Variants in GALNT17 observed in about 807,000 individuals in gnomAD.
The protein encoded by GALNT17 is polypeptide N-acetylgalactosaminyltransferase 17.
Under a neutral mutation model 63.7 loss-of-function variants are expected in GALNT17, and 29 were observed. The ratio of observed to expected loss-of-function variants is 0.46; its 90% confidence interval spans 0.34 to 0.62. GALNT17 has a LOEUF of 0.62. Among genes scored for constraint, GALNT17 ranks in the 20% least tolerant of loss-of-function variants. The pLI, the probability that GALNT17 is intolerant of heterozygous loss-of-function variation, is 0.01. For synonymous variants in GALNT17, 305 were observed against 318.3 expected (o/e 0.96, Z 0.45); for missense variants, 603 against 799.6 (o/e 0.75, Z 2.97).
At chr7:71,567,595 G>T (rs1374184075) in intron 5 of GALNT17, among the ~76,000 whole-genome samples, 1 of 152,198 alleles carries the variant, frequency 6.6e-6, no homozygotes, top group Admixed American at 6.5e-5. Context: ...CTCCTCAATA[G>T]CTGGGGTTAC....
chr7:71,601,244 T>A (rs780142013), intron 6 of GALNT17, among the ~76,000 whole-genome samples: 1 of 152,288 alleles, frequency 6.6e-6, no homozygotes, highest in Admixed American at 6.5e-5. Context: ...GCCGTAAACA[T>A]GCATGTGCAG....
chr7:71,553,130 C>T (rs938030039), intron 5 of GALNT17, among the ~76,000 whole-genome samples: 4 of 151,980 alleles, frequency 2.6e-5, no homozygotes, highest in Non-Finnish European at 5.9e-5. Flanking sequence ...TCTGAGACCA[C>T]CCTGGGCAAC....
intron 5 of GALNT17, among the ~76,000 whole-genome samples, chr7:71,552,969 C>T (rs535571416): frequency 2.0e-5 from 3 of 152,178 alleles, no homozygotes; most frequent in East Asian, 1.9e-4. Flanking sequence ...TTTCTAGTCT[C>T]GGCCAGAGTT....
intron 1 of GALNT17, among the ~76,000 whole-genome samples, chr7:71,295,204 T>G (rs776740081): frequency 2.0e-5 from 3 of 152,228 alleles, no homozygotes; most frequent in Non-Finnish European, 4.4e-5. Flanking sequence ...CTCCTCAATA[T>G]TTTTGTCTAG....
chr7:71,202,058 T>C (rs927862394), intron 1 of GALNT17, among the ~76,000 whole-genome samples: 1 of 152,214 alleles, frequency 6.6e-6, no homozygotes, highest in Admixed American at 6.5e-5. Context: ...TTCAAACATA[T>C]TATAATGTTC....
chr7:71,704,830 T>G (rs1157163122), intron 9 of GALNT17, among the ~76,000 whole-genome samples: 1 of 151,930 alleles, frequency 6.6e-6, no homozygotes, highest in Admixed American at 6.6e-5. Context: ...AGAGTGAATT[T>G]GGACCTCAAC....
At chr7:71,670,511 G>C (rs757013986) in intron 8 of GALNT17, among the ~76,000 whole-genome samples, 1 of 152,032 alleles carries the variant, frequency 6.6e-6, no homozygotes, top group African/African-American at 2.4e-5. Flanking sequence ...AGGAGGAAAC[G>C]TTCTCAGATT....
intron 6 of GALNT17, among the ~76,000 whole-genome samples, chr7:71,638,003 T>C (rs1428346233): frequency 6.6e-6 from 1 of 152,194 alleles, no homozygotes; most frequent in Non-Finnish European, 1.5e-5. Flanking sequence ...CTTGATGATA[T>C]GCTAAACAAG....
At chr7:71,428,804 T>C (rs985739454) in intron 5 of GALNT17, among the ~76,000 whole-genome samples, 3 of 152,200 alleles carry the variant, frequency 2.0e-5, no homozygotes, top group African/African-American at 7.2e-5. Context: ...TTTCTGGGAT[T>C]TGCACACCTT....
chr7:71,156,849 C>T lies in GALNT17; in HGVS notation c.238+23809C>T, dbSNP rs146702564. On this transcript the variant is annotated intron_variant, in intron 1 of 10. Transcript: ENST00000333538. ...ATCCTCCTGCCTCAGCCTCCCAAAG[C>T]GCTGGGATTACAGGTGTAAACCACT... Among the ~76,000 whole-genome samples, 340 of 151,240 alleles carry T rather than the reference C, an allele frequency of 2.2e-3. 7 individuals carry two copies. In the Middle Eastern group the frequency reaches 0.024, roughly 11 times the overall value.
chr7:71,301,725 C>A (rs996543372), intron 1 of GALNT17, among the ~76,000 whole-genome samples: 5 of 146,482 alleles, frequency 3.4e-5, no homozygotes, highest in African/African-American at 1.3e-4. Context: ...GAGGATAGAT[C>A]TTGTGTGAAA....
At chr7:71,368,778 C>T (rs541250362) in intron 2 of GALNT17, among the ~76,000 whole-genome samples, 1 of 152,208 alleles carries the variant, frequency 6.6e-6, no homozygotes, top group East Asian at 1.9e-4. Context: ...GTGATATAGA[C>T]ATACTTGTTC....
At chr7:71,674,287 A>C (rs1791113710) in intron 8 of GALNT17, among the ~76,000 whole-genome samples, 2 of 151,874 alleles carry the variant, frequency 1.3e-5, no homozygotes, top group African/African-American at 4.8e-5. Context: ...CAGATGGACT[A>C]TAGTGTTAAA....
chr7:71,683,062 A>T (rs1225209424), intron 9 of GALNT17, among the ~76,000 whole-genome samples: 1 of 152,018 alleles, frequency 6.6e-6, no homozygotes, highest in African/African-American at 2.4e-5. Flanking sequence ...AACTTTTCCA[A>T]GTGAAAGCTC....
intron 1 of GALNT17, among the ~76,000 whole-genome samples, chr7:71,193,623 C>T (rs1562902404): frequency 6.6e-6 from 1 of 152,004 alleles, no homozygotes; most frequent in Non-Finnish European, 1.5e-5. Context: ...TATCACAACA[C>T]CCGGCCAACT....
chr7:71,568,496 A>G (rs1789386446), intron 5 of GALNT17, among the ~76,000 whole-genome samples: 2 of 152,194 alleles, frequency 1.3e-5, no homozygotes, highest in African/African-American at 4.8e-5. Context: ...CCCATCTGCT[A>G]CAGCACCAGC....
chr7:71,287,053 C>T (rs1487656407), intron 1 of GALNT17, among the ~76,000 whole-genome samples: 2 of 151,942 alleles, frequency 1.3e-5, no homozygotes, highest in African/African-American at 2.4e-5. Flanking sequence ...GCTGGGATTA[C>T]AGGCATGAGT....
intron 1 of GALNT17, among the ~76,000 whole-genome samples, chr7:71,181,733 C>T (rs574773528): frequency 1.3e-5 from 2 of 152,108 alleles, no homozygotes; most frequent in South Asian, 2.1e-4. Flanking sequence ...AAAAATTAGC[C>T]AGACATGGTG....
At chr7:71,153,939 T>A (rs1228267953) in intron 1 of GALNT17, among the ~76,000 whole-genome samples, 3 of 131,744 alleles carry the variant, frequency 2.3e-5, no homozygotes, top group African/African-American at 8.4e-5. Flanking sequence ...AAAATAAAAA[T>A]AAAAAATAAA....
Sources: allele counts gnomAD v4.1 joint callset (sites outside exome capture counted in the v4.1 genomes callset), GRCh38; gene constraint gnomAD v4.1.1; transcripts MANE v1.5; gene names NCBI Gene and HGNC (gene_info 2026-07-23, HGNC 2026-07-21).